The following NUS1 variants were observed in gnomAD, a reference collection of about 807,000 sequenced individuals.
NUS1 encodes the protein NUS1 dehydrodolichyl diphosphate synthase subunit.
For synonymous variants in NUS1, 135 were observed against 155.2 expected (o/e 0.87, Z 0.97); for missense variants, 292 against 382.9 (o/e 0.76, Z 1.98).
chr6:117,687,985 GAGGA>G (rs1178580794), intron 1 of NUS1, among the ~76,000 whole-genome samples: 2 of 152,142 alleles, frequency 1.3e-5, no homozygotes, highest in Non-Finnish European at 2.9e-5. Flanking sequence ...GAGGCCCGAG[GAGGA>G]AGGATCACTT....
intron 1 of NUS1, 44 bp downstream of exon 1, chr6:117,676,129 A>C: frequency 1.3e-6 from 2 of 1,548,862 alleles, no homozygotes; most frequent in Non-Finnish European, 1.7e-6. Context: ...GGCGTCTTGG[A>C]CCGCTAGACC....
chr6:117,686,254 C>T lies in NUS1; in HGVS notation c.416-6788C>T, dbSNP rs185383094. Reference sequence around the variant, plus strand: ...CAGCCTGGGCAACAGAGCAAGATTCCGTCTAAAAAAAAAAAGCTCTAGTCC... The same window carrying T: ...CAGCCTGGGCAACAGAGCAAGATTCTGTCTAAAAAAAAAAAGCTCTAGTCC... On this transcript the variant is annotated intron_variant, in intron 1 of 4. Transcript: ENST00000368494. Among the ~76,000 whole-genome samples the T allele has an allele frequency of 4.8e-4, 73 of 150,780 alleles. No homozygotes were observed. In the East Asian group the frequency reaches 0.011, roughly 24 times the overall value.
chr6:117,697,391 A>G (rs900726443), intron 3 of NUS1, among the ~76,000 whole-genome samples: 2 of 152,104 alleles, frequency 1.3e-5, no homozygotes, highest in Non-Finnish European at 1.5e-5. Context: ...ATAAGACCCA[A>G]TGATCTGTTG....
At chr6:117,679,511 A>T (rs1317547217) in intron 1 of NUS1, among the ~76,000 whole-genome samples, 1 of 152,114 alleles carries the variant, frequency 6.6e-6, no homozygotes, top group African/African-American at 2.4e-5. Context: ...GTTTTAAAAC[A>T]ACAATTTATA....
At chr6:117,702,593 C>A (rs1773426165) in intron 3 of NUS1, among the ~76,000 whole-genome samples, 1 of 152,112 alleles carries the variant, frequency 6.6e-6, no homozygotes, top group Non-Finnish European at 1.5e-5. Context: ...CTCTTTACAT[C>A]ACTATTGGTT....
intron 1 of NUS1, among the ~76,000 whole-genome samples, chr6:117,692,234 G>A (rs1179279700): frequency 6.6e-6 from 1 of 152,012 alleles, no homozygotes; most frequent in East Asian, 1.9e-4. Context: ...CAGTTATTTT[G>A]TTAAACTACT....
At chr6:117,702,955 T>C (rs991459928) in intron 3 of NUS1, among the ~76,000 whole-genome samples, 39 of 152,166 alleles carry the variant, frequency 2.6e-4, no homozygotes, top group African/African-American at 9.2e-4. Context: ...GTCCTTTTTT[T>C]CCCCAAGTCA....
At chr6:117,697,697 C>A (rs1220047050) in intron 3 of NUS1, among the ~76,000 whole-genome samples, 2 of 151,798 alleles carry the variant, frequency 1.3e-5, no homozygotes, top group Non-Finnish European at 2.9e-5. Flanking sequence ...GAGAGAGAGA[C>A]CCCAATACAA....
chr6:117,678,521 A>G (rs1490734038), intron 1 of NUS1, among the ~76,000 whole-genome samples: 1 of 152,172 alleles, frequency 6.6e-6, no homozygotes, highest in African/African-American at 2.4e-5. Flanking sequence ...AGGAATGTTG[A>G]AAGTCAGTGG....
At chr6:117,676,106 G>C (rs922057894) in intron 1 of NUS1, 21 bp downstream of exon 1, 2 of 1,550,090 alleles carry the variant, frequency 1.3e-6, no homozygotes, top group East Asian at 2.4e-5. Flanking sequence ...GTGCGGTGGT[G>C]GGGGGTGGCC....
chr6:117,704,901 A>G (rs749854152), intron 4 of NUS1, among the ~76,000 whole-genome samples: 9 of 152,160 alleles, frequency 5.9e-5, no homozygotes, highest in Non-Finnish European at 1.3e-4. Flanking sequence ...TAGAACAGAT[A>G]AAGATGTAGA....
chr6:117,696,838 C>G (rs1292087768), intron 3 of NUS1, among the ~76,000 whole-genome samples: 1 of 152,060 alleles, frequency 6.6e-6, no homozygotes, highest in Non-Finnish European at 1.5e-5. Flanking sequence ...AGGTACAACT[C>G]TCACTGGTAA....
chr6:117,693,307 T>C, intron 2 of NUS1, 140 bp downstream of exon 2: 1 of 1,000,300 alleles, frequency 1.0e-6, no homozygotes, highest in Non-Finnish European at 1.5e-6. Context: ...TCATCAGATT[T>C]AGACTTTCTC....
At chr6:117,678,233 G>T (rs1456388549) in intron 1 of NUS1, among the ~76,000 whole-genome samples, 1 of 152,198 alleles carries the variant, frequency 6.6e-6, no homozygotes, top group Non-Finnish European at 1.5e-5. Context: ...TATCTTAACT[G>T]TAAAATCAGT....
In NUS1 at chr6:117,675,926, C is replaced by A. The variant is rs1582461294; in HGVS notation, c.256C>A (p.Arg86Ser). ...CCTGGCAGCCGCACACCACCGGATG[C>A]GCTGGCGCGCGGACGGTCGTTCCTT... The part of the protein sequence containing the change: ...SCLAAAHHRM[R>S]WRADGRSLEK... The change falls in exon 1 of 5, where the codon CGC (arginine) becomes AGC (serine). Residue 86 changes from arginine (R) to serine (S), a missense_variant. Transcript: ENST00000368494. 1 of 1,544,406 alleles carries A rather than the reference C, an allele frequency of 6.5e-7. No individual in the cohort carries two copies. Among genetic ancestry groups the A allele is most frequent in the Non-Finnish European group, 8.7e-7 (1 of 1,143,498 alleles).
At position 117,675,681 on chromosome 6, in the gene NUS1, T is replaced by C; in HGVS notation, c.11T>C (p.Leu4Pro). The change falls in exon 1 of 5, where the codon CTG becomes CCG. Residue 4 changes from leucine (L) to proline (P), a missense_variant. Coordinates refer to ENST00000368494, the MANE Select transcript of NUS1 (RefSeq NM_138459.5). MTG[L>P]YELVWRVLHA... ...GAGGGCCACAAGAGTATGACGGGGC[T>C]GTACGAGCTGGTGTGGCGGGTGCTG... is the stretch of plus-strand genomic sequence containing the variant. 1.3e-6 allele frequency: 2 copies of C among 1,487,188 alleles called. No homozygotes were observed. The highest frequency in any genetic ancestry group is 1.2e-5 in the South Asian group (1 of 84,318). 92.1% of individuals were successfully genotyped at this position (1,487,188 alleles called of 1,614,324 possible).
At position 117,706,999 on chromosome 6, in the gene NUS1, A is replaced by G; in HGVS notation, c.866A>G (p.Gln289Arg). 1 of 1,612,552 alleles carries G rather than the reference A, an allele frequency of 6.2e-7. No homozygotes were observed. Among genetic ancestry groups the G allele is most frequent in the Non-Finnish European group, 8.5e-7 (1 of 1,178,808 alleles). ...CTTCGTCAATATGCAGCCTGTGAAC[A>G]GCGTCTGGGAAAGTAGTGGTCATTG... ...SALRQYAACE[Q>R]RLGK The change falls in exon 5 of 5, where the codon CAG (glutamine) becomes CGG (arginine). Residue 289 changes from glutamine (Q) to arginine (R), a missense_variant. Physicochemically the swap from Gln to Arg is conservative, Grantham distance 43. Coordinates refer to ENST00000368494, the MANE Select transcript of NUS1 (RefSeq NM_138459.5).
chr6:117,686,344 A>G (rs539061813), intron 1 of NUS1, among the ~76,000 whole-genome samples: 33 of 152,260 alleles, frequency 2.2e-4, no homozygotes, highest in African/African-American at 6.7e-4. Context: ...ATAAAATTCA[A>G]CTTTTTTGGA....
Position 117,707,559 on chromosome 6 carries a change from G to C in NUS1, c.*544G>C, listed in dbSNP as rs2114696439. 7.3e-6 allele frequency: 1 copy of C among 137,582 alleles called. No homozygotes were observed. The highest frequency in any genetic ancestry group is 1.5e-5 in the Non-Finnish European group (1 of 64,938). 8.5% of individuals were successfully genotyped at this position (137,582 alleles called of 1,614,324 possible). On this transcript the variant is annotated 3_prime_UTR_variant, in exon 5 of 5. Transcript: ENST00000368494. Reference sequence around the variant, plus strand: ...CATGTTAAAATCTTGCTCACCTTCAGAGCAGAGGGAATACCTATCTTCAGA... The same window carrying C: ...CATGTTAAAATCTTGCTCACCTTCACAGCAGAGGGAATACCTATCTTCAGA...
Sources: allele counts gnomAD v4.1 joint callset (sites outside exome capture counted in the v4.1 genomes callset), GRCh38; gene constraint gnomAD v4.1.1; transcripts MANE v1.5; gene names NCBI Gene and HGNC (gene_info 2026-07-23, HGNC 2026-07-21).